Variants in GLYATL3 observed in about 807,000 individuals in gnomAD.
The protein encoded by GLYATL3 is glycine N-acyltransferase-like protein 3.
A neutral mutation model predicts 28.5 loss-of-function variants in GLYATL3; 31 were observed. The ratio of observed to expected loss-of-function variants is 1.09; its 90% CI spans 0.82 to 1.47. GLYATL3 has a LOEUF of 1.47. Among genes scored for constraint, GLYATL3 ranks in the 40% most tolerant of loss-of-function variants. The pLI is 0.00. For synonymous variants in GLYATL3, 141 were observed against 140.2 expected (o/e 1.01, Z -0.04); for missense variants, 369 against 351.5 (o/e 1.05, Z -0.40).
chr6:49,507,874 G>C (rs1260471040), intron 1 of GLYATL3, among the ~76,000 whole-genome samples: 4 of 152,182 alleles, frequency 2.6e-5, no homozygotes, highest in Non-Finnish European at 4.4e-5. Flanking sequence ...AGTTTAGTGA[G>C]GGCGGGGGTA....
chr6:49,521,809 A>C (rs1215048075), intron 5 of GLYATL3, 38 bp downstream of exon 5: 3 of 1,532,768 alleles, frequency 2.0e-6, no homozygotes, highest in East Asian at 4.9e-5. Context: ...GGCAGGACTT[A>C]CTGCTATAGA....
At chr6:49,519,581 AGCCTACCTACTG>A (rs1453126232) in intron 4 of GLYATL3, among the ~76,000 whole-genome samples, 5 of 152,218 alleles carry the variant, frequency 3.3e-5, no homozygotes, top group African/African-American at 1.2e-4. Flanking sequence ...CAATTCAAAA[AGCCTACCTACTG>A]GCCATATACA....
At chr6:49,520,944 A>T (rs982380200) in intron 4 of GLYATL3, among the ~76,000 whole-genome samples, 2 of 152,194 alleles carry the variant, frequency 1.3e-5, no homozygotes, top group Non-Finnish European at 2.9e-5. Context: ...TGAGCCCAGG[A>T]GTTCATGGTT....
intron 1 of GLYATL3, among the ~76,000 whole-genome samples, chr6:49,500,320 T>C (rs1446103218): frequency 1.3e-5 from 2 of 152,178 alleles, no homozygotes; most frequent in African/African-American, 4.8e-5. Context: ...CATTGTGATA[T>C]GGGCACAACT....
At position 49,516,037 on chromosome 6, in the gene GLYATL3, C is replaced by T. The variant is rs892987258; in HGVS notation, c.186+277C>T. ...GTAATCTCCACTTCCCAGGTTGAAC[C>T]GATTCTCCTGCCTCCGCCTCCTGAG... is the stretch of plus-strand genomic sequence containing the variant. On this transcript the variant is annotated intron_variant, in intron 3 of 5. Coordinates refer to ENST00000371197, the MANE Select transcript of GLYATL3 (RefSeq NM_001010904.2). Among the ~76,000 whole-genome samples, 9 of 150,712 alleles carry T rather than the reference C, an allele frequency of 6.0e-5. No homozygotes were observed. The East Asian group carries it at 8.0e-4, about 13-fold the overall frequency.
At chr6:49,510,026 T>TTTA (rs758678176) in intron 1 of GLYATL3, among the ~76,000 whole-genome samples, 56 of 144,104 alleles carry the variant, frequency 3.9e-4, no homozygotes, top group Non-Finnish European at 4.6e-4. Context: ...CCTTCCTTTA[T>TTTA]TTCATTTATT....
Position 49,527,324 on chromosome 6 carries a change from A to G in GLYATL3, c.*410A>G, listed in dbSNP as rs926111841. ...AAAGCCACACCGCTTCCCTACTGCC[A>G]TCATATTCCCCTGTCCCCACTGCTA... On this transcript the variant is annotated 3_prime_UTR_variant, in exon 6 of 6. Coordinates refer to ENST00000371197, the MANE Select transcript of GLYATL3 (RefSeq NM_001010904.2). Among the ~76,000 whole-genome samples, 6 of 152,114 alleles carry G rather than the reference A, an allele frequency of 3.9e-5. No individual in the cohort carries two copies. Among genetic ancestry groups the G allele is most frequent in the African/African-American group, 1.4e-4 (6 of 41,432 alleles).
At chr6:49,521,208 C>T (rs529965333) in intron 4 of GLYATL3, among the ~76,000 whole-genome samples, 7 of 152,192 alleles carry the variant, frequency 4.6e-5, no homozygotes, top group South Asian at 2.1e-4. Context: ...TCTGTAATGG[C>T]GAGGTGTAAT....
chr6:49,501,330 C>T (rs1310203206), intron 1 of GLYATL3, among the ~76,000 whole-genome samples: 1 of 152,126 alleles, frequency 6.6e-6, no homozygotes, highest in Non-Finnish European at 1.5e-5. Flanking sequence ...TCTCTTTGTT[C>T]CTAGGTGGAT....
intron 5 of GLYATL3, among the ~76,000 whole-genome samples, chr6:49,524,770 A>G (rs1769373911): frequency 6.6e-6 from 1 of 151,860 alleles, no homozygotes; most frequent in African/African-American, 2.4e-5. Context: ...CCCTGAGGTC[A>G]GGAATTCGAG....
chr6:49,526,125 G>A (rs1282763939), intron 5 of GLYATL3, among the ~76,000 whole-genome samples: 2 of 152,070 alleles, frequency 1.3e-5, no homozygotes, highest in East Asian at 1.9e-4. Context: ...TATGAAAAGA[G>A]TAGTTATAGG....
intron 1 of GLYATL3, among the ~76,000 whole-genome samples, chr6:49,508,073 G>A (rs987475081): frequency 1.3e-5 from 2 of 152,006 alleles, no homozygotes; most frequent in African/African-American, 4.8e-5. Context: ...GAGGCGGGTG[G>A]ATCGCAAGGT....
intron 1 of GLYATL3, among the ~76,000 whole-genome samples, chr6:49,501,258 A>G (rs1047564903): frequency 5.3e-5 from 8 of 151,646 alleles, no homozygotes; most frequent in African/African-American, 9.7e-5. Context: ...AAAAAAAACT[A>G]GCCAGGCGTT....
chr6:49,517,024 C>T (rs192413260), intron 3 of GLYATL3, among the ~76,000 whole-genome samples: 18 of 150,406 alleles, frequency 1.2e-4, no homozygotes, highest in Admixed American at 7.9e-4. Context: ...GGTGTGGTGG[C>T]GTGCACCTGT....
chr6:49,525,224 T>C (rs968272828), intron 5 of GLYATL3, among the ~76,000 whole-genome samples: 1 of 151,676 alleles, frequency 6.6e-6, no homozygotes, highest in African/African-American at 2.4e-5. Context: ...GTTGTTGTTG[T>C]TGTTTACAGA....
intron 1 of GLYATL3, among the ~76,000 whole-genome samples, chr6:49,507,817 G>A (rs1344768930): frequency 6.6e-6 from 1 of 152,086 alleles, no homozygotes; most frequent in Non-Finnish European, 1.5e-5. Context: ...CCACCTTCTG[G>A]TCCTGCAGTG....
Position 49,521,734 on chromosome 6 carries a change from T to G in GLYATL3, c.403T>G (p.Phe135Val), listed in dbSNP as rs1417659780. 1.3e-6 allele frequency: 2 copies of G among 1,551,530 alleles called. No individual in the cohort carries two copies. Among genetic ancestry groups the G allele is most frequent in the East Asian group, 4.9e-5 (2 of 40,908 alleles). The change falls in exon 5 of 6, where the codon TTT becomes GTT. Residue 135 changes from phenylalanine (F) to valine (V), a missense_variant. Physicochemically the swap from Phe to Val is conservative, Grantham distance 50 (BLOSUM62 -1). Coordinates refer to ENST00000371197, the MANE Select transcript of GLYATL3 (RefSeq NM_001010904.2). ...IKLTSFKAVH[F>V]SPVSSLPDTS... ...GCTAACTTCCTTCAAGGCTGTTCATTTTTCTCCTGTTTCATCTCTGCCAGA... is the reference window on the plus strand; with the variant it reads ...GCTAACTTCCTTCAAGGCTGTTCATGTTTCTCCTGTTTCATCTCTGCCAGA...
In GLYATL3 at chr6:49,515,713, G is replaced by T. The variant is rs897618408; in HGVS notation, c.139G>T (p.Asp47Tyr). 5 of 1,551,524 alleles carry T rather than the reference G, an allele frequency of 3.2e-6. No individual in the cohort carries two copies. The Admixed American group carries it at 5.9e-5, about 18-fold the overall frequency. ...GNPFQKEVVLDSWPDFKAVIT... is the reference protein window; with the variant it reads ...GNPFQKEVVLYSWPDFKAVIT... ...CCCCTTTCAAAAGGAAGTGGTGTTG[G>T]ATTCATGGCCGGATTTCAAAGCTGT... Residue 47 changes from aspartate to tyrosine, a missense_variant, in exon 3 of 6, where the codon GAT (aspartate) becomes TAT (tyrosine). Coordinates refer to ENST00000371197, the MANE Select transcript of GLYATL3 (RefSeq NM_001010904.2).
chr6:49,525,087 T>C (rs1029720490), intron 5 of GLYATL3, among the ~76,000 whole-genome samples: 2 of 123,042 alleles, frequency 1.6e-5, no homozygotes, highest in Admixed American at 2.0e-4. Context: ...AGTTCTATTC[T>C]AAAACATTTT....
Sources: allele counts gnomAD v4.1 joint callset (sites outside exome capture counted in the v4.1 genomes callset), GRCh38; gene constraint gnomAD v4.1.1; transcripts MANE v1.5; gene names NCBI Gene and HGNC (gene_info 2026-07-23, HGNC 2026-07-21).